The following ASTN2 variants were observed in gnomAD, a reference collection of about 807,000 sequenced individuals.
The protein encoded by ASTN2 is astrotactin-2.
Under a neutral mutation model 139.8 loss-of-function variants are expected in ASTN2, and 54 were observed. The ratio of observed to expected loss-of-function variants is 0.39; its 90% confidence interval spans 0.31 to 0.48. ASTN2 has a LOEUF of 0.48. Among genes scored for constraint, ASTN2 ranks in the 20% least tolerant of loss-of-function variants. The pLI, the probability that ASTN2 is intolerant of heterozygous loss-of-function variation, is 0.95. For missense variants in ASTN2, 1,565 were observed against 1,725.1 expected (o/e 0.91, Z 1.64); for synonymous variants, 756 against 719.5 (o/e 1.05, Z -0.81).
At chr9:117,058,665 T>C (rs146272322) in intron 5 of ASTN2, among the ~76,000 whole-genome samples, 2,635 of 152,310 alleles carry the variant, frequency 0.017, 37 homozygotes, top group Non-Finnish European at 0.025. Flanking sequence ...GACTTCCAGA[T>C]GTAACAGAAA....
intron 17 of ASTN2, among the ~76,000 whole-genome samples, chr9:116,622,008 T>G (rs1856180935): frequency 6.6e-6 from 1 of 152,250 alleles, no homozygotes; most frequent in Non-Finnish European, 1.5e-5. Flanking sequence ...TATTCCTTTG[T>G]GCTTTGCCTG....
intron 3 of ASTN2, among the ~76,000 whole-genome samples, chr9:117,195,627 C>T (rs548016222): frequency 6.6e-6 from 1 of 151,974 alleles, no homozygotes. Flanking sequence ...TAGGCTAGAG[C>T]CTCATTGTGA....
At chr9:117,406,249 G>T (rs1588018951) in intron 1 of ASTN2, among the ~76,000 whole-genome samples, 1 of 152,186 alleles carries the variant, frequency 6.6e-6, no homozygotes, top group East Asian at 1.9e-4. Flanking sequence ...TCTGCTCCAA[G>T]CCACCATTAC....
At chr9:117,151,768 T>C (rs1332232874) in intron 3 of ASTN2, among the ~76,000 whole-genome samples, 1 of 152,106 alleles carries the variant, frequency 6.6e-6, no homozygotes, top group Non-Finnish European at 1.5e-5. Flanking sequence ...GAGCTTAAAG[T>C]GAGAGACAAT....
At chr9:116,861,715 C>T (rs1028952357) in intron 11 of ASTN2, among the ~76,000 whole-genome samples, 3 of 152,184 alleles carry the variant, frequency 2.0e-5, no homozygotes, top group African/African-American at 7.2e-5. Flanking sequence ...TCCCCCTGAC[C>T]AGCAATTGGT....
At chr9:117,206,940 C>T (rs1026788860) in intron 3 of ASTN2, among the ~76,000 whole-genome samples, 2 of 152,158 alleles carry the variant, frequency 1.3e-5, no homozygotes, top group African/African-American at 2.4e-5. Flanking sequence ...AATAGTTCTA[C>T]GCCCCCTAAA....
chr9:116,803,510 ATATATATATATATTTTT>A (rs1462795116), intron 13 of ASTN2, among the ~76,000 whole-genome samples: 1 of 7,288 alleles, frequency 1.4e-4, no homozygotes, highest in African/African-American at 8.0e-4. Context: ...ATATATATAT[ATATATATATATATTTTT>A]TTTTTTTTTT....
intron 5 of ASTN2, among the ~76,000 whole-genome samples, chr9:117,064,570 C>G (rs899347883): frequency 1.3e-5 from 2 of 152,096 alleles, no homozygotes; most frequent in Non-Finnish European, 2.9e-5. Context: ...CAAATACTTC[C>G]TCTTCTCACT....
intron 12 of ASTN2, among the ~76,000 whole-genome samples, chr9:116,819,375 T>G (rs1031525124): frequency 3.9e-5 from 6 of 152,170 alleles, no homozygotes; most frequent in African/African-American, 1.4e-4. Flanking sequence ...CTGCATACCC[T>G]AATTTATTTC....
At chr9:117,124,787 A>G (rs1554780880) in intron 4 of ASTN2, among the ~76,000 whole-genome samples, 1 of 149,554 alleles carries the variant, frequency 6.7e-6, no homozygotes, top group Non-Finnish European at 1.5e-5. Flanking sequence ...CATGGGTGAC[A>G]TAGCGAGACC....
intron 11 of ASTN2, among the ~76,000 whole-genome samples, chr9:116,843,779 C>G (rs1414873490): frequency 6.6e-6 from 1 of 151,744 alleles, no homozygotes; most frequent in East Asian, 1.9e-4. Flanking sequence ...AGGGAAGAAA[C>G]AGGTGCAAGG....
chr9:116,636,162 C>G (rs1387085808), intron 17 of ASTN2, among the ~76,000 whole-genome samples: 1 of 152,152 alleles, frequency 6.6e-6, no homozygotes, highest in Non-Finnish European at 1.5e-5. Context: ...AATACTGATA[C>G]TTCTCCTTCT....
rs539102285 is a variant in ASTN2 at position 117,187,933 on chromosome 9, G to C, written c.1015+26425C>G. Among the ~76,000 whole-genome samples, 7 of 152,192 alleles carry C rather than the reference G, an allele frequency of 4.6e-5. No homozygotes were observed. In the East Asian group the frequency reaches 5.8e-4, roughly 13 times the overall value. On this transcript the variant is annotated intron_variant, in intron 3 of 22. Coordinates refer to ENST00000313400, the MANE Select transcript of ASTN2 (RefSeq NM_001365068.1). Reference sequence around the variant, plus strand: ...TTCCTCCCACGTTCTTGTGAAACTGGAATCTCCATTTTACCAATGTGACAA... The same window carrying C: ...TTCCTCCCACGTTCTTGTGAAACTGCAATCTCCATTTTACCAATGTGACAA...
intron 19 of ASTN2, among the ~76,000 whole-genome samples, chr9:116,505,610 T>C (rs1032296686): frequency 6.6e-6 from 1 of 152,214 alleles, no homozygotes; most frequent in Non-Finnish European, 1.5e-5. Flanking sequence ...TCTGACCCAG[T>C]GCTTCTCCTT....
At chr9:116,778,656 G>T (rs748198392) in intron 13 of ASTN2, among the ~76,000 whole-genome samples, 17 of 152,048 alleles carry the variant, frequency 1.1e-4, no homozygotes, top group Non-Finnish European at 1.5e-4. Context: ...CTTGCACAAG[G>T]AACCCAGTGC....
At chr9:117,267,359 C>A (rs1833960344) in intron 2 of ASTN2, among the ~76,000 whole-genome samples, 1 of 152,060 alleles carries the variant, frequency 6.6e-6, no homozygotes, top group South Asian at 2.1e-4. Context: ...ATAGCAAGGT[C>A]TTTAGTTAAT....
At chr9:116,655,321 A>G (rs1858147616) in intron 16 of ASTN2, among the ~76,000 whole-genome samples, 1 of 152,236 alleles carries the variant, frequency 6.6e-6, no homozygotes, top group African/African-American at 2.4e-5. Context: ...AAAGTCATCT[A>G]TTCGAAAGGC....
intron 19 of ASTN2, among the ~76,000 whole-genome samples, chr9:116,536,669 C>A (rs1198138306): frequency 6.6e-6 from 1 of 152,242 alleles, no homozygotes; most frequent in Non-Finnish European, 1.5e-5. Context: ...TGCAGAACAT[C>A]GAATATTGCT....
Position 117,291,485 on chromosome 9 carries a change from C to T in ASTN2, c.471G>A (p.Ser157=), listed in dbSNP as rs377082778. The T allele has an allele frequency of 9.3e-6, 15 of 1,611,692 alleles. No individual in the cohort carries two copies. Among genetic ancestry groups the T allele is most frequent in the Middle Eastern group, 1.7e-4 (1 of 6,042 alleles). The change falls in exon 2 of 23, where the codon TCG becomes TCA. Residue 157 remains serine (S), a synonymous_variant. Coordinates refer to ENST00000313400, the MANE Select transcript of ASTN2 (RefSeq NM_001365068.1). ...LEMSGTAADI[S]LVHWRQQWLE... Reference sequence around the variant, plus strand: ...GCCACTGCTGTCTCCAGTGCACCAGCGAGATGTCCGCTGCTGTGCCAGACA... The same window carrying T: ...GCCACTGCTGTCTCCAGTGCACCAGTGAGATGTCCGCTGCTGTGCCAGACA...
Sources: gnomAD v4.1 joint callset for allele counts (sites outside exome capture counted in the v4.1 genomes callset) on GRCh38, gnomAD v4.1.1 for gene constraint, MANE v1.5 for transcripts, NCBI Gene and HGNC (gene_info 2026-07-23, HGNC 2026-07-21) for gene names.